Variants in MBP observed in about 807,000 individuals in gnomAD.
MBP encodes the protein Golli-MBP.
In MBP, 16 loss-of-function variants were observed where a neutral mutation model predicts 35.8. The ratio of observed to expected loss-of-function variants is 0.45; its 90% confidence interval spans 0.30 to 0.68. The LOEUF (loss-of-function observed/expected upper bound fraction) is 0.68, where lower values mean the gene tolerates loss of function less well. MBP is among the 30% of genes least tolerant of loss of function. The probability of loss-of-function intolerance (pLI) is 0.08; values close to 1 mark genes in which losing one functional copy is unlikely to be tolerated. For missense variants in MBP, 380 were observed against 404.7 expected, an observed-to-expected ratio of 0.94 and a Z score of 0.52; for synonymous variants, 143 against 159.6, an observed-to-expected ratio of 0.90 and a Z score of 0.78.
chr18:77,071,653 G>T (rs1974454852), intron 2 of MBP, among the ~76,000 whole-genome samples: 1 of 152,116 alleles, frequency 6.6e-6, no homozygotes, highest in South Asian at 2.1e-4. Context: ...GTCTTGTCTG[G>T]TTCTGCATCC....
At chr18:77,018,215 A>T (rs62105706) in intron 3 of MBP, among the ~76,000 whole-genome samples, 1 of 146,466 alleles carries the variant, frequency 6.8e-6, no homozygotes. Flanking sequence ...CCATGCATCC[A>T]TCCATCCCCC....
intron 1 of MBP, among the ~76,000 whole-genome samples, chr18:77,106,575 C>T (rs1976285688): frequency 6.6e-6 from 1 of 152,182 alleles, no homozygotes; most frequent in South Asian, 2.1e-4. Context: ...CACGATAAGA[C>T]TTCCGGTGAG....
At chr18:77,010,459 AG>A (rs1238654689) in intron 4 of MBP, among the ~76,000 whole-genome samples, 1 of 152,226 alleles carries the variant, frequency 6.6e-6, no homozygotes, top group African/African-American at 2.4e-5. Flanking sequence ...TTGGATTTAC[AG>A]GTTGAAACTT....
chr18:77,118,756 CCACACA>C (rs568438098), intron 1 of MBP, among the ~76,000 whole-genome samples: 9 of 149,094 alleles, frequency 6.0e-5, no homozygotes, highest in Non-Finnish European at 9.0e-5. Flanking sequence ...CACACACACA[CCACACA>C]CACACACTCC....
chr18:76,990,027 C>T lies in MBP; in HGVS notation c.610G>A (p.Gly204Ser), dbSNP rs751157612. 2.5e-6 allele frequency: 4 copies of T among 1,612,930 alleles called. No homozygotes were observed. The highest frequency in any genetic ancestry group is 2.2e-5 in the South Asian group (2 of 91,004). Residue 204 changes from glycine (G) to serine (S), a missense_variant, in exon 5 of 9, where the codon GGC becomes AGC. Gly to Ser is a moderately conservative substitution (Grantham distance 56). Transcript: ENST00000355994. ...CCGTGTGACTTCTGGGGCAGGGAGCCGTAGTGAGCAGTTCTTGCCGGGTGG... is the reference window on the plus strand; with the variant it reads ...CCGTGTGACTTCTGGGGCAGGGAGCTGTAGTGAGCAGTTCTTGCCGGGTGG... Reference protein sequence around the residue: ...SHHPARTAHYGSLPQKSHGRT... With the variant: ...SHHPARTAHYSSLPQKSHGRT...
intron 3 of MBP, among the ~76,000 whole-genome samples, chr18:77,033,793 T>C (rs1788833): frequency 0.038 from 5,461 of 143,666 alleles, 187 homozygotes; most frequent in South Asian, 0.17. Context: ...CATCCATCCA[T>C]CCACCCACTC....
chr18:76,994,627 G>A (rs1970165740), intron 4 of MBP, among the ~76,000 whole-genome samples: 1 of 152,204 alleles, frequency 6.6e-6, no homozygotes, highest in African/African-American at 2.4e-5. Flanking sequence ...ACACTGGTGA[G>A]GAAAAGGTAG....
chr18:77,131,201 C>T lies in MBP; in HGVS notation c.-26+1379G>A, dbSNP rs1231371092. On this transcript the variant is annotated intron_variant, in intron 1 of 8. Coordinates refer to ENST00000355994, the MANE Select transcript of MBP (RefSeq NM_001025101.2). The surrounding 1 kb of genome is among the most constrained non-coding windows in gnomAD (Gnocchi z 5.5). Reference sequence around the variant, plus strand: ...TCCAGGCTCTCAGCCGTGACCACAGCCCCGGCCCCAACCGCTAAGGAGGTG... The same window carrying T: ...TCCAGGCTCTCAGCCGTGACCACAGTCCCGGCCCCAACCGCTAAGGAGGTG... 2.6e-5 allele frequency among the ~76,000 whole-genome samples: 4 copies of T among 152,104 alleles called. No individual in the cohort carries two copies. The highest frequency in any genetic ancestry group is 5.9e-5 in the Non-Finnish European group (4 of 68,022).
At position 76,989,860 on chromosome 18, in the gene MBP, C is replaced by T. The variant is rs964269584; in HGVS notation, c.681+96G>A. 6 of 1,078,058 alleles carry T rather than the reference C, an allele frequency of 5.6e-6. No individual in the cohort carries two copies. Among genetic ancestry groups the T allele is most frequent in the Admixed American group, 3.7e-5 (2 of 54,102 alleles). 66.8% of individuals were successfully genotyped at this position (1,078,058 alleles called of 1,614,324 possible). Reference sequence around the variant, plus strand: ...ACCCTGATGATGACCCCGGTGCCACCCCCGAGCGTACGAACGTCCTGTGTG... The same window carrying T: ...ACCCTGATGATGACCCCGGTGCCACTCCCGAGCGTACGAACGTCCTGTGTG... On this transcript the variant is annotated intron_variant, in intron 5 of 8. Transcript: ENST00000355994. The surrounding 1 kb of genome is among the most constrained non-coding windows in gnomAD (Gnocchi z 4.0).
intron 4 of MBP, among the ~76,000 whole-genome samples, chr18:76,997,918 G>A (rs1017603516): frequency 7.1e-5 from 10 of 141,364 alleles, no homozygotes; most frequent in African/African-American, 2.2e-4. Flanking sequence ...TCCTGACCTC[G>A]TGATCCGCCC....
In MBP at chr18:77,046,359, A is replaced by T. The variant is rs547470137; in HGVS notation, c.139+19939T>A. On this transcript the variant is annotated intron_variant, in intron 3 of 8. Transcript: ENST00000355994. ...AGAACCCTGGCCCACTTTTCTTCCC[A>T]CTTTAAGTAGCTATTACCTGATACA... 1.0e-3 allele frequency among the ~76,000 whole-genome samples: 153 copies of T among 152,246 alleles called. 2 individuals are homozygous for T. Among genetic ancestry groups the T allele is most frequent in the African/African-American group, 3.2e-3 (134 of 41,540 alleles).
chr18:76,984,711 C>T (rs776537079), intron 8 of MBP, 64 bp downstream of exon 8: 10 of 1,610,424 alleles, frequency 6.2e-6, no homozygotes, highest in African/African-American at 2.7e-5. Flanking sequence ...TTGTACTCAG[C>T]TTAGTTGGGG....
At chr18:76,990,441 G>A (rs1486159756) in intron 4 of MBP, among the ~76,000 whole-genome samples, 2 of 152,168 alleles carry the variant, frequency 1.3e-5, no homozygotes, top group Non-Finnish European at 2.9e-5. Flanking sequence ...GATTCTTGCA[G>A]AAGGCAGGCC....
intron 3 of MBP, among the ~76,000 whole-genome samples, chr18:77,045,287 GC>G (rs113660108): frequency 0.11 from 16,966 of 152,036 alleles, 1,004 homozygotes; most frequent in East Asian, 0.15. Context: ...CTGACCTGCT[GC>G]CGGCAGCACC....
chr18:77,094,975 G>A (rs1015402331), intron 2 of MBP, among the ~76,000 whole-genome samples: 5 of 152,234 alleles, frequency 3.3e-5, no homozygotes, highest in African/African-American at 1.2e-4. Context: ...TCCCACTGGA[G>A]GTGCTGCAGG....
chr18:77,110,046 C>G (rs1384081858), intron 1 of MBP: 1 of 152,130 alleles, frequency 6.6e-6, no homozygotes, highest in East Asian at 1.9e-4. Context: ...TTCTATAAAC[C>G]TAAGTTAGAT....
At chr18:77,049,275 T>G (rs530593031) in intron 3 of MBP, among the ~76,000 whole-genome samples, 6 of 152,248 alleles carry the variant, frequency 3.9e-5, no homozygotes, top group Admixed American at 1.3e-4. Context: ...TGACGCGGTT[T>G]CTGGGGCATA....
At chr18:77,069,951 C>T (rs938880797) in intron 2 of MBP, among the ~76,000 whole-genome samples, 3 of 152,138 alleles carry the variant, frequency 2.0e-5, no homozygotes, top group South Asian at 2.1e-4. Flanking sequence ...GGACACAGGA[C>T]GCGTGCAGAA....
chr18:76,984,405 C>G, intron 8 of MBP: 1 of 254,428 alleles, frequency 3.9e-6, no homozygotes, highest in Admixed American at 4.9e-5. Context: ...GGGATCTCCC[C>G]CCGACACCCA....
Sources: allele counts gnomAD v4.1 joint callset (sites outside exome capture counted in the v4.1 genomes callset), GRCh38; gene constraint gnomAD v4.1.1; non-coding constraint Gnocchi (gnomAD v3.1); transcripts MANE v1.5; gene names NCBI Gene and HGNC (gene_info 2026-07-23, HGNC 2026-07-21).